LYN: variants seen among roughly 807,000 people sequenced by gnomAD.
The protein encoded by LYN is tyrosine-protein kinase Lyn.
LYN carries 12 observed loss-of-function variants against 65.0 expected under a neutral mutation model. The observed-to-expected ratio is 0.18, with a 90% CI of 0.12 to 0.30. The LOEUF is 0.30. Ranked by LOEUF, LYN falls within the 10% of genes least tolerant of loss-of-function variation. The pLI, the probability that LYN is intolerant of heterozygous loss-of-function variation, is 1.00. For missense variants in LYN, 380 were observed against 623.2 expected, an observed-to-expected ratio of 0.61 and a Z score of 4.16; for synonymous variants, 222 against 221.2, an observed-to-expected ratio of 1.00 and a Z score of -0.03.
chr8:55,939,895 A>G (rs2130469960), intron 1 of LYN, among the ~76,000 whole-genome samples: 1 of 152,326 alleles, frequency 6.6e-6, no homozygotes, highest in South Asian at 2.1e-4. Context: ...TGCTGTTTTG[A>G]ATCAAAGAAG....
intron 3 of LYN, 76 bp from the exon 4 acceptor site, chr8:55,947,542 C>G (rs2130486154): frequency 9.8e-7 from 1 of 1,024,566 alleles, no homozygotes; most frequent in African/African-American, 1.6e-5. Flanking sequence ...TCCTCTCATC[C>G]TTTGTGCCCC....
chr8:55,935,564 A>G (rs556168007), intron 1 of LYN, among the ~76,000 whole-genome samples: 4 of 152,142 alleles, frequency 2.6e-5, no homozygotes, highest in Admixed American at 6.5e-5. Context: ...ACCTGAGATC[A>G]GGAGTTGGAG....
chr8:55,956,850 C>T (rs1036456670), intron 8 of LYN, among the ~76,000 whole-genome samples: 2 of 152,146 alleles, frequency 1.3e-5, no homozygotes, highest in Admixed American at 1.3e-4. Context: ...CATCTGAGTA[C>T]TTACTGTGAC....
At chr8:55,931,239 T>G (rs969116291) in intron 1 of LYN, among the ~76,000 whole-genome samples, 2 of 149,340 alleles carry the variant, frequency 1.3e-5, no homozygotes, top group Admixed American at 6.7e-5. Flanking sequence ...TACATAACCT[T>G]ATGTTGTACA....
chr8:55,969,650 G>A (rs1807555190), intron 9 of LYN, 67 bp from the exon 10 acceptor site: 2 of 1,159,130 alleles, frequency 1.7e-6, no homozygotes, highest in Admixed American at 1.7e-5. Flanking sequence ...TAATGATGAT[G>A]TGAATTTTGT....
intron 10 of LYN, among the ~76,000 whole-genome samples, chr8:55,979,050 C>CTTTTTT (rs11287133): frequency 2.7e-5 from 2 of 74,292 alleles, no homozygotes; most frequent in African/African-American, 1.0e-4. Flanking sequence ...ACTTCTCATT[C>CTTTTTT]TTTTTTTTTT....
intron 1 of LYN, among the ~76,000 whole-genome samples, chr8:55,909,034 C>T (rs866868059): frequency 0.32 from 12,885 of 40,156 alleles, 2,301 homozygotes; most frequent in East Asian, 0.46. Flanking sequence ...CACACACACA[C>T]ACACACACAC....
chr8:55,965,775 A>AGTTTT (rs1009554265), intron 8 of LYN, among the ~76,000 whole-genome samples: 4 of 152,118 alleles, frequency 2.6e-5, no homozygotes, highest in Non-Finnish European at 4.4e-5. Context: ...GCATATATAG[A>AGTTTT]GTTTTGTTTT....
chr8:55,920,793 C>A lies in LYN; in HGVS notation c.-5-21062C>A, dbSNP rs543779790. 4.4e-3 allele frequency among the ~76,000 whole-genome samples: 655 copies of A among 150,442 alleles called. 4 individuals are homozygous for A. The highest frequency in any genetic ancestry group is 0.015 in the African/African-American group (599 of 40,764). ...CCCTTGCCCTTCCCCACCACCCCCCCACCGGGTTCCAGCAATTCTCCTGCC... is the reference window on the plus strand; with the variant it reads ...CCCTTGCCCTTCCCCACCACCCCCCAACCGGGTTCCAGCAATTCTCCTGCC... On this transcript the variant is annotated intron_variant, in intron 1 of 12. Coordinates refer to ENST00000519728, the MANE Select transcript of LYN (RefSeq NM_002350.4).
At chr8:56,009,043 T>G (rs1808747473) in intron 12 of LYN, among the ~76,000 whole-genome samples, 1 of 152,268 alleles carries the variant, frequency 6.6e-6, no homozygotes, top group South Asian at 2.1e-4. Flanking sequence ...TTGGGCTGAC[T>G]TAAGGGTGCT....
At chr8:55,910,106 T>C (rs186638987) in intron 1 of LYN, among the ~76,000 whole-genome samples, 1 of 152,128 alleles carries the variant, frequency 6.6e-6, no homozygotes, top group Admixed American at 6.6e-5. Context: ...TGTCGGTTCA[T>C]TCCTGTTGAG....
chr8:55,898,241 T>C (rs28857570), intron 1 of LYN, among the ~76,000 whole-genome samples: 60,346 of 152,052 alleles, frequency 0.4, 12,276 homozygotes, highest in Middle Eastern at 0.54. Context: ...AATAGATTCA[T>C]ACTGTATGTG....
intron 1 of LYN, among the ~76,000 whole-genome samples, chr8:55,909,015 ACACACACACACAC>A (rs1333301498): frequency 5.3e-5 from 1 of 18,936 alleles, no homozygotes; most frequent in East Asian, 1.4e-3. Flanking sequence ...ATATATACAC[ACACACACACACAC>A]ACACACACAC....
Position 55,887,575 on chromosome 8 carries a change from T to TACACACACACAC in LYN, c.-6+7490_-6+7501dup, listed in dbSNP as rs372547745. Among the ~76,000 whole-genome samples the TACACACACACAC allele has an allele frequency of 8.9e-4, 83 of 93,450 alleles. 2 individuals carry two copies. Among genetic ancestry groups the TACACACACACAC allele is most frequent in the Admixed American group, 5.4e-3 (42 of 7,782 alleles). The allele number at this position is 93,450 out of a possible 152,430, so 61.3% of individuals were successfully genotyped here. On this transcript the variant is annotated intron_variant, in intron 1 of 12. Coordinates refer to ENST00000519728, the MANE Select transcript of LYN (RefSeq NM_002350.4). ...AAATATAAATATATATATATATATA[T>TACACACACACAC]ACACACACACACACACACACACACA...
At chr8:55,909,386 G>A (rs12545621) in intron 1 of LYN, among the ~76,000 whole-genome samples, 104,207 of 152,026 alleles carry the variant, frequency 0.69, 35,855 homozygotes, top group East Asian at 0.95. Flanking sequence ...GCTCTGTGGC[G>A]CTGCCATAGG....
intron 1 of LYN, among the ~76,000 whole-genome samples, chr8:55,918,259 C>G (rs1164005346): frequency 6.6e-6 from 1 of 152,204 alleles, no homozygotes. Flanking sequence ...CTGAGACAGA[C>G]CACCCCATTC....
chr8:55,982,516 C>T (rs1011346996), intron 10 of LYN, among the ~76,000 whole-genome samples: 3 of 152,108 alleles, frequency 2.0e-5, no homozygotes, highest in African/African-American at 7.2e-5. Flanking sequence ...TTTTCCATTT[C>T]CAGACCTTCT....
At chr8:55,893,049 G>T (rs781194878) in intron 1 of LYN, among the ~76,000 whole-genome samples, 27 of 151,838 alleles carry the variant, frequency 1.8e-4, no homozygotes, top group Non-Finnish European at 3.4e-4. Context: ...AAGCCATTTG[G>T]TTTGGCAAAT....
intron 1 of LYN, among the ~76,000 whole-genome samples, chr8:55,891,496 T>C (rs1804962565): frequency 6.6e-6 from 1 of 152,114 alleles, no homozygotes; most frequent in African/African-American, 2.4e-5. Context: ...GTCAAATTCA[T>C]AGAGACAGAA....
Sources: allele counts gnomAD v4.1 joint callset (sites outside exome capture counted in the v4.1 genomes callset), GRCh38; gene constraint gnomAD v4.1.1; transcripts MANE v1.5; gene names NCBI Gene and HGNC (gene_info 2026-07-23, HGNC 2026-07-21).